The following WDR49 variants were observed in gnomAD, a reference collection of about 807,000 sequenced individuals.
The protein encoded by WDR49 is WD repeat domain 49.
A neutral mutation model predicts 119.5 loss-of-function variants in WDR49; 107 were observed. That is an observed-to-expected ratio of 0.90 (90% CI 0.77 to 1.05). The LOEUF is 1.05. Among genes scored for constraint, WDR49 ranks in the 50% least tolerant of loss-of-function variants. The probability of loss-of-function intolerance (pLI) is 0.00; values close to 1 mark genes in which losing one functional copy is unlikely to be tolerated. For missense variants in WDR49, 1,240 were observed against 1,220.5 expected, an observed-to-expected ratio of 1.02 and a Z score of -0.24; for synonymous variants, 425 against 418.8, an observed-to-expected ratio of 1.01 and a Z score of -0.18.
chr3:167,656,591 A>G (rs1303140148), upstream of WDR49, among the ~76,000 whole-genome samples: 2 of 152,220 alleles, frequency 1.3e-5, no homozygotes, highest in African/African-American at 2.4e-5. Context: ...TAGTCAAAAC[A>G]GGAAAGTATA....
chr3:167,598,029 G>C (rs1376332494), intron 7 of WDR49, among the ~76,000 whole-genome samples: 4 of 152,076 alleles, frequency 2.6e-5, no homozygotes, highest in African/African-American at 7.2e-5. Context: ...AGGTTGGGCT[G>C]GGGACAGTGG....
At chr3:167,547,656 C>CTTTTT (rs74953812) in intron 10 of WDR49, among the ~76,000 whole-genome samples, 1 of 132,110 alleles carries the variant, frequency 7.6e-6, no homozygotes, top group Non-Finnish European at 1.7e-5. Context: ...ACAAGATTTT[C>CTTTTT]TTTTTTTTTT....
intron 17 of WDR49, among the ~76,000 whole-genome samples, chr3:167,500,942 T>C (rs575319867): frequency 3.3e-5 from 5 of 152,220 alleles, no homozygotes; most frequent in Non-Finnish European, 7.4e-5. Context: ...TTTGTCACGA[T>C]GGTGACTCAG....
chr3:167,599,454 C>A (rs1053244691), intron 7 of WDR49, among the ~76,000 whole-genome samples: 1 of 152,012 alleles, frequency 6.6e-6, no homozygotes, highest in African/African-American at 2.4e-5. Context: ...GTGAAGTCGG[C>A]CAAGCCTGAG....
At chr3:167,603,272 C>G (rs1258133756) in intron 6 of WDR49, among the ~76,000 whole-genome samples, 2 of 152,036 alleles carry the variant, frequency 1.3e-5, no homozygotes, top group Non-Finnish European at 2.9e-5. Flanking sequence ...TTTTTTCCAG[C>G]ACTATAGGAG....
chr3:167,524,462 A>T (rs1468562239), intron 15 of WDR49, among the ~76,000 whole-genome samples: 3 of 152,104 alleles, frequency 2.0e-5, no homozygotes, highest in Non-Finnish European at 4.4e-5. Context: ...TTGGTATTTT[A>T]GTCATGATGT....
intron 7 of WDR49, among the ~76,000 whole-genome samples, chr3:167,594,261 C>T (rs896278419): frequency 5.9e-5 from 9 of 152,136 alleles, no homozygotes; most frequent in African/African-American, 2.2e-4. Flanking sequence ...TTCTTAGAGA[C>T]TTGTCAAATT....
intron 15 of WDR49, among the ~76,000 whole-genome samples, chr3:167,524,935 C>T (rs931087185): frequency 1.3e-5 from 2 of 152,044 alleles, no homozygotes; most frequent in Non-Finnish European, 2.9e-5. Context: ...TTTTCCAGTT[C>T]TGTGAAGAAA....
chr3:167,636,184 T>C lies in WDR49; in HGVS notation c.166-8892A>G, dbSNP rs1484110167. Among the ~76,000 whole-genome samples the C allele has an allele frequency of 2.6e-5, 4 of 151,654 alleles. No homozygotes were observed. The Admixed American group carries it at 2.6e-4, about 10-fold the overall frequency. On this transcript the variant is annotated intron_variant, in intron 2 of 18. Coordinates refer to ENST00000682715, the MANE Select transcript of WDR49 (RefSeq NM_001366157.1). ...CTTACGCCTTTGCATCCTCATAACT[T>C]AGCTTCCACTTATGAGTGAGAAATA...
At chr3:167,551,622 T>G (rs1712578493) in intron 10 of WDR49, among the ~76,000 whole-genome samples, 1 of 152,016 alleles carries the variant, frequency 6.6e-6, no homozygotes, top group South Asian at 2.1e-4. Context: ...ACCCAACTTC[T>G]TCAAGCTTCG....
chr3:167,540,640 G>C (rs941188122), intron 10 of WDR49, among the ~76,000 whole-genome samples: 4 of 152,048 alleles, frequency 2.6e-5, no homozygotes, highest in Non-Finnish European at 4.4e-5. Flanking sequence ...GACAAATCAA[G>C]ATTCTATAAC....
In WDR49 at chr3:167,626,986, T is replaced by C. The variant is rs1003364107; in HGVS notation, c.472A>G (p.Ile158Val). ...FLKNSSHYLT[I>V]SKEGLLAIWG... ...ATTGCCAATAAACCTTCTTTACTAA[T>C]TGTCAGATAATGACTTGAATTTTTT... Residue 158 changes from isoleucine to valine, a missense_variant, in exon 3 of 19, where the codon ATT (isoleucine) becomes GTT (valine). Physicochemically the swap from Ile to Val is conservative, Grantham distance 29. Transcript: ENST00000682715. 6 of 1,342,454 alleles carry C rather than the reference T, an allele frequency of 4.5e-6. No homozygotes were observed. Among genetic ancestry groups the C allele is most frequent in the Admixed American group, 3.2e-5 (1 of 31,446 alleles). The allele number at this position is 1,342,454 out of a possible 1,614,324, so 83.2% of individuals were successfully genotyped here.
At chr3:167,576,275 G>T (rs1405465375) in intron 7 of WDR49, 124 bp from the exon 8 acceptor site, 3 of 736,484 alleles carry the variant, frequency 4.1e-6, no homozygotes, top group Non-Finnish European at 6.6e-6. Context: ...TGCTATAATT[G>T]GTTCTCAATT....
chr3:167,546,844 T>G (rs1270650963), intron 10 of WDR49, among the ~76,000 whole-genome samples: 5 of 151,860 alleles, frequency 3.3e-5, no homozygotes, highest in African/African-American at 1.2e-4. Flanking sequence ...AGAAGTTAAT[T>G]GTTGTTAGTC....
chr3:167,576,230 C>A, intron 7 of WDR49, 79 bp from the exon 8 acceptor site: 2 of 1,192,100 alleles, frequency 1.7e-6, no homozygotes, highest in Non-Finnish European at 2.4e-6. Context: ...TCTAGCTCAC[C>A]CTCAATACCA....
intron 10 of WDR49, among the ~76,000 whole-genome samples, chr3:167,548,551 A>C (rs1237052124): frequency 1.3e-5 from 2 of 152,026 alleles, no homozygotes; most frequent in Admixed American, 6.6e-5. Flanking sequence ...TAAGTAGTCT[A>C]TTTTATTATA....
At chr3:167,605,012 TTGTGTGTGTGTG>T (rs370361855) in intron 5 of WDR49, among the ~76,000 whole-genome samples, 42 of 143,464 alleles carry the variant, frequency 2.9e-4, no homozygotes, top group African/African-American at 9.9e-4. Context: ...TTAATTTGCT[TTGTGTGTGTGTG>T]TGTGTGTGTG....
At chr3:167,549,728 T>C (rs1188491661) in intron 10 of WDR49, among the ~76,000 whole-genome samples, 8 of 152,202 alleles carry the variant, frequency 5.3e-5, no homozygotes, top group Non-Finnish European at 1.5e-5. Context: ...TTGGCTTTTG[T>C]TGCCATTGCT....
chr3:167,500,835 T>C (rs1202726499), intron 17 of WDR49, among the ~76,000 whole-genome samples: 1 of 152,260 alleles, frequency 6.6e-6, no homozygotes, highest in Non-Finnish European at 1.5e-5. Flanking sequence ...AAGATATTTC[T>C]CTTTGCTTCA....
Sources: allele counts gnomAD v4.1 joint callset (sites outside exome capture counted in the v4.1 genomes callset), GRCh38; gene constraint gnomAD v4.1.1; transcripts MANE v1.5; gene names NCBI Gene and HGNC (gene_info 2026-07-23, HGNC 2026-07-21).